Variants in BLTP1 observed in about 807,000 individuals in gnomAD.
The protein encoded by BLTP1 is fragile site-associated protein.
chr4:122,305,189 G>A, the BLTP1 span: 1 of 983,362 alleles, frequency 1.0e-6, no homozygotes, highest in Non-Finnish European at 1.2e-6. Context: ...TAGTGCAGAT[G>A]CACTCACATA....
chr4:122,184,380 T>TAC, the BLTP1 span, among the ~76,000 whole-genome samples: 1 of 152,182 alleles, frequency 6.6e-6, no homozygotes, highest in African/African-American at 2.4e-5. Context: ...GGCTCACTCC[T>TAC]GTAATCCCAG....
At chr4:122,206,822 G>A in the BLTP1 span, among the ~76,000 whole-genome samples, 6 of 151,524 alleles carry the variant, frequency 4.0e-5, no homozygotes, top group Non-Finnish European at 8.9e-5. Context: ...TGGCTATTTG[G>A]GTAGTGGAAC....
At chr4:122,317,918 G>A in the BLTP1 span, among the ~76,000 whole-genome samples, 2 of 152,078 alleles carry the variant, frequency 1.3e-5, no homozygotes, top group Admixed American at 1.3e-4. Context: ...TTGCCAAAGA[G>A]ACTCTTGATG....
chr4:122,257,254 G>T, the BLTP1 span: 1 of 1,612,956 alleles, frequency 6.2e-7, no homozygotes, highest in South Asian at 1.1e-5. Flanking sequence ...TATTGTTACA[G>T]AGCGATGGAC....
chr4:122,202,986 G>T, the BLTP1 span, among the ~76,000 whole-genome samples: 1 of 151,574 alleles, frequency 6.6e-6, no homozygotes, highest in Non-Finnish European at 1.5e-5. Context: ...ACTAACAATT[G>T]GTCATATTCT....
chr4:122,347,218 G>T, the BLTP1 span: 1 of 984,946 alleles, frequency 1.0e-6, no homozygotes, highest in East Asian at 1.1e-4. Context: ...ATGAAATCAA[G>T]AGATTTTTGG....
the BLTP1 span, among the ~76,000 whole-genome samples, chr4:122,322,702 T>C: frequency 6.6e-6 from 1 of 152,168 alleles, no homozygotes; most frequent in Non-Finnish European, 1.5e-5. Flanking sequence ...CCTATGCCTC[T>C]GAACTGTGAA....
At chr4:122,272,356 A>G in the BLTP1 span, 1 of 1,613,178 alleles carries the variant, frequency 6.2e-7, no homozygotes, top group Non-Finnish European at 8.5e-7. Flanking sequence ...CAATGGAATC[A>G]GAACTGAAGA....
the BLTP1 span, chr4:122,331,914 TAAAG>T: frequency 2.5e-6 from 1 of 395,896 alleles, no homozygotes; most frequent in African/African-American, 2.2e-5. Context: ...GATAAGTTCA[TAAAG>T]AAATAAGAAA....
the BLTP1 span, chr4:122,271,098 T>C: frequency 6.2e-7 from 1 of 1,613,948 alleles, no homozygotes; most frequent in South Asian, 1.1e-5. Flanking sequence ...GCTGTTGTAA[T>C]GGAAAAGTCC....
At chr4:122,314,014 T>C in the BLTP1 span, 2 of 950,382 alleles carry the variant, frequency 2.1e-6, no homozygotes, top group Admixed American at 1.2e-4. Flanking sequence ...AAATATGTGA[T>C]ATGTACAATA....
At chr4:122,343,363 CT>C in the BLTP1 span, 3 of 1,602,780 alleles carry the variant, frequency 1.9e-6, no homozygotes, top group Non-Finnish European at 1.7e-6. Flanking sequence ...ATTGACTGGC[CT>C]TTTTTTCTTG....
the BLTP1 span, chr4:122,214,613 ATTCTT>A: frequency 5.5e-5 from 20 of 365,004 alleles, no homozygotes; most frequent in Non-Finnish European, 6.9e-5. Flanking sequence ...TTTTCAGTAA[ATTCTT>A]TTTTTTTTTT....
chr4:122,162,666 A>G, the BLTP1 span: 3 of 985,138 alleles, frequency 3.0e-6, no homozygotes, highest in Non-Finnish European at 2.4e-6. Context: ...TATTAACACA[A>G]ATTAAATGTT....
the BLTP1 span, among the ~76,000 whole-genome samples, chr4:122,343,079 G>A: frequency 2.6e-5 from 4 of 152,114 alleles, no homozygotes; most frequent in South Asian, 6.2e-4. Flanking sequence ...CTTTGCTTAA[G>A]CCCTAGCTAT....
chr4:122,247,458 C>T, the BLTP1 span: 17 of 1,348,048 alleles, frequency 1.3e-5, no homozygotes, highest in South Asian at 4.0e-5. Flanking sequence ...TGCTACAATT[C>T]GGTATTCTAT....
the BLTP1 span, chr4:122,288,688 TAA>T: frequency 3.0e-6 from 1 of 332,758 alleles, no homozygotes; most frequent in Non-Finnish European, 4.3e-6. Flanking sequence ...AATAAATAAA[TAA>T]ATAAATCTAT....
chr4:122,207,440 T>A, the BLTP1 span: 1 of 1,459,312 alleles, frequency 6.9e-7, no homozygotes, highest in Non-Finnish European at 9.0e-7. Context: ...AAACTTAATT[T>A]TGTTTAGTTG....
At chr4:122,276,828 C>T in the BLTP1 span, 1 of 974,926 alleles carries the variant, frequency 1.0e-6, no homozygotes, top group East Asian at 1.1e-4. Flanking sequence ...TTATGTAATA[C>T]CTAGATTTTA....
Sources: gnomAD v4.1 joint callset for allele counts (sites outside exome capture counted in the v4.1 genomes callset) on GRCh38, gnomAD v4.1.1 for gene constraint, MANE v1.5 for transcripts, NCBI Gene and HGNC (gene_info 2026-07-23, HGNC 2026-07-21) for gene names.